The following ARID2 variants were observed in gnomAD, a reference collection of about 807,000 sequenced individuals.
ARID2 encodes the protein AT-rich interaction domain 2.
A neutral mutation model predicts 184.6 loss-of-function variants in ARID2; 32 were observed. That is an observed-to-expected ratio of 0.17 (90% CI 0.13 to 0.23). The LOEUF (loss-of-function observed/expected upper bound fraction) is 0.23. Among genes scored for constraint, ARID2 ranks in the 10% least tolerant of loss-of-function variants. The probability of loss-of-function intolerance (pLI) is 1.00; values close to 1 mark genes in which losing one functional copy is unlikely to be tolerated. For synonymous variants in ARID2, 836 were observed against 772.6 expected, an observed-to-expected ratio of 1.08 and a Z score of -1.36; for missense variants, 1,696 against 2,197.6, an observed-to-expected ratio of 0.77 and a Z score of 4.56.
chr12:45,806,627 A>C (rs949299598), intron 3 of ARID2, among the ~76,000 whole-genome samples: 20 of 152,256 alleles, frequency 1.3e-4, no homozygotes, highest in African/African-American at 4.6e-4. Context: ...TACATTGTCA[A>C]ATTTACTCTT....
At chr12:45,799,279 T>C (rs1305169571) in intron 3 of ARID2, among the ~76,000 whole-genome samples, 4 of 152,180 alleles carry the variant, frequency 2.6e-5, no homozygotes, top group African/African-American at 9.6e-5. Flanking sequence ...TAAATCACTT[T>C]AATAGTTTGT....
intron 3 of ARID2, among the ~76,000 whole-genome samples, chr12:45,754,379 T>C (rs1941523627): frequency 6.6e-6 from 1 of 152,212 alleles, no homozygotes; most frequent in African/African-American, 2.4e-5. Flanking sequence ...AGATACTATG[T>C]CTTTTTTTCT....
rs1222029596 is a variant in ARID2, at chr12:45,784,831, CTTTCTATAGAGAGTCAG to C, written c.285-26583_285-26567del. On this transcript the variant is annotated intron_variant, in intron 3 of 20. Transcript: ENST00000334344. ...ATATTATTTATATTTAAACTCCTGC[CTTTCTATAGAGAGTCAG>C]TTTACACACAAATATTACTTAATTC... 2.0e-5 allele frequency among the ~76,000 whole-genome samples: 3 copies of C among 152,276 alleles called. No homozygotes were observed. In the East Asian group the frequency reaches 5.8e-4, roughly 29 times the overall value.
intron 15 of ARID2, among the ~76,000 whole-genome samples, chr12:45,856,851 G>A (rs1333410136): frequency 6.6e-6 from 1 of 152,024 alleles, no homozygotes; most frequent in African/African-American, 2.4e-5. Context: ...CTACTTCAAG[G>A]CACATTTCTT....
intron 20 of ARID2, among the ~76,000 whole-genome samples, chr12:45,894,925 C>T (rs940649401): frequency 1.3e-5 from 2 of 152,184 alleles, no homozygotes; most frequent in Non-Finnish European, 2.9e-5. Flanking sequence ...TCAAGTCACA[C>T]TTGGTACCTT....
rs11183227 is a variant in ARID2, at chr12:45,887,251, T to A, written c.4923-4529T>A. Among the ~76,000 whole-genome samples, 1,289 of 152,142 alleles carry A rather than the reference T, an allele frequency of 8.5e-3. 12 individuals are homozygous for A. Among genetic ancestry groups the A allele is most frequent in the Non-Finnish European group, 0.015 (996 of 67,996 alleles). ...TTATAGTGATGATGTAACTGAAAAA[T>A]ATATATATATTTTAAATCGCCAGTG... On this transcript the variant is annotated intron_variant, in intron 16 of 20. Transcript: ENST00000334344.
intron 3 of ARID2, among the ~76,000 whole-genome samples, chr12:45,796,600 G>A (rs969603933): frequency 1.3e-5 from 2 of 152,068 alleles, no homozygotes; most frequent in African/African-American, 4.8e-5. Context: ...TGCAACCTCC[G>A]CCTCCTGGGT....
chr12:45,880,328 T>C (rs1344566378), intron 16 of ARID2, among the ~76,000 whole-genome samples: 3 of 152,210 alleles, frequency 2.0e-5, no homozygotes, highest in Non-Finnish European at 4.4e-5. Context: ...TGAAAACTTG[T>C]CTGTCTATGA....
intron 3 of ARID2, among the ~76,000 whole-genome samples, chr12:45,800,746 G>C (rs1335029140): frequency 6.6e-6 from 1 of 151,898 alleles, no homozygotes; most frequent in Non-Finnish European, 1.5e-5. Flanking sequence ...TAAATATAAA[G>C]TAAGAAACTG....
At chr12:45,792,949 A>T (rs528848107) in intron 3 of ARID2, among the ~76,000 whole-genome samples, 16 of 152,258 alleles carry the variant, frequency 1.1e-4, no homozygotes, top group South Asian at 4.1e-4. Flanking sequence ...GGATCTTTTT[A>T]AAAAAATTGT....
At chr12:45,748,525 G>C (rs1413321782) in intron 3 of ARID2, among the ~76,000 whole-genome samples, 1 of 148,702 alleles carries the variant, frequency 6.7e-6, no homozygotes, top group African/African-American at 2.4e-5. Context: ...GATCAGGGTG[G>C]TGGTTACTGA....
At chr12:45,892,190 A>G (rs779308334) in intron 18 of ARID2, 94 bp downstream of exon 18, 3 of 1,264,258 alleles carry the variant, frequency 2.4e-6, no homozygotes, top group Non-Finnish European at 3.3e-6. Context: ...TTAGGAGACC[A>G]GAAACCTGGG....
intron 16 of ARID2, among the ~76,000 whole-genome samples, chr12:45,879,415 C>T (rs1172421584): frequency 1.3e-5 from 2 of 152,194 alleles, no homozygotes; most frequent in African/African-American, 4.8e-5. Flanking sequence ...CTGTGAGATC[C>T]TGGACTCTGA....
chr12:45,779,034 T>C (rs1294591305), intron 3 of ARID2, among the ~76,000 whole-genome samples: 2 of 152,126 alleles, frequency 1.3e-5, no homozygotes, highest in Admixed American at 1.3e-4. Flanking sequence ...TTTTAGATAA[T>C]TTTAATAACT....
At chr12:45,878,556 GT>G (rs1207127144) in intron 16 of ARID2, among the ~76,000 whole-genome samples, 1 of 151,760 alleles carries the variant, frequency 6.6e-6, no homozygotes, top group Non-Finnish European at 1.5e-5. Flanking sequence ...TTCTGTTACA[GT>G]TTTTTTCATA....
chr12:45,805,029 A>G (rs898497482), intron 3 of ARID2, among the ~76,000 whole-genome samples: 1 of 152,002 alleles, frequency 6.6e-6, no homozygotes, highest in Admixed American at 6.6e-5. Context: ...TTTTACTGCC[A>G]TATAGTATTT....
intron 16 of ARID2, among the ~76,000 whole-genome samples, chr12:45,888,011 C>G (rs1269447324): frequency 6.6e-6 from 1 of 152,028 alleles, no homozygotes; most frequent in Non-Finnish European, 1.5e-5. Flanking sequence ...CTGGCTAACA[C>G]GGTGAAACCC....
intron 3 of ARID2, among the ~76,000 whole-genome samples, chr12:45,779,906 T>A (rs1245416332): frequency 1.3e-5 from 2 of 152,162 alleles, no homozygotes; most frequent in African/African-American, 4.8e-5. Context: ...GAAATTAGAC[T>A]TTTTAGTAAC....
At chr12:45,746,167 G>A (rs942224695) in intron 3 of ARID2, among the ~76,000 whole-genome samples, 2 of 151,138 alleles carry the variant, frequency 1.3e-5, no homozygotes, top group African/African-American at 2.4e-5. Context: ...ATGAAGAGTA[G>A]TGGTGCAATC....
Sources: allele counts gnomAD v4.1 joint callset (sites outside exome capture counted in the v4.1 genomes callset), GRCh38; gene constraint gnomAD v4.1.1; transcripts MANE v1.5; gene names NCBI Gene and HGNC (gene_info 2026-07-23, HGNC 2026-07-21).